CSMD1: variants seen among roughly 807,000 people sequenced by gnomAD.
The protein encoded by CSMD1 is CUB and Sushi multiple domains 1, also known as CUB and sushi domain-containing protein 1.
CSMD1 carries 213 observed loss-of-function variants against 417.5 expected under a neutral mutation model. That is an observed-to-expected ratio of 0.51 (90% confidence interval 0.46 to 0.57). The LOEUF (loss-of-function observed/expected upper bound fraction) is 0.57. CSMD1 is among the 20% of genes least tolerant of loss of function. CSMD1 has a pLI of 0.00. For synonymous variants in CSMD1, 2,862 were observed against 1,736.8 expected (o/e 1.65, Z -16.11); for missense variants, 6,923 against 4,529.7 (o/e 1.53, Z -15.17).
chr8:3,346,757 A>G (rs907103945), intron 22 of CSMD1, among the ~76,000 whole-genome samples: 1 of 152,210 alleles, frequency 6.6e-6, no homozygotes, highest in Non-Finnish European at 1.5e-5. Flanking sequence ...GGCTTTCTGC[A>G]TATTCTCTTA....
intron 3 of CSMD1, among the ~76,000 whole-genome samples, chr8:4,315,062 C>T (rs537315880): frequency 6.6e-6 from 1 of 152,092 alleles, no homozygotes; most frequent in East Asian, 1.9e-4. Flanking sequence ...CCCACTGCCC[C>T]GACCATTTGA....
chr8:3,641,066 A>G (rs1443830921), intron 7 of CSMD1, among the ~76,000 whole-genome samples: 13 of 140,802 alleles, frequency 9.2e-5, no homozygotes, highest in African/African-American at 3.6e-4. Context: ...TGTCCTCAAA[A>G]GTTGTAATGA....
chr8:2,969,176 T>C (rs926586065), intron 57 of CSMD1, among the ~76,000 whole-genome samples: 3 of 152,286 alleles, frequency 2.0e-5, no homozygotes, highest in East Asian at 3.9e-4. Flanking sequence ...CCACGCTATA[T>C]GTAAAATGCC....
intron 26 of CSMD1, among the ~76,000 whole-genome samples, chr8:3,275,068 T>G (rs1231530397): frequency 2.0e-5 from 3 of 152,144 alleles, no homozygotes; most frequent in African/African-American, 7.2e-5. Flanking sequence ...GCCTGGTACC[T>G]TTTGTTCCTT....
At chr8:4,252,094 A>C (rs189597892) in intron 3 of CSMD1, among the ~76,000 whole-genome samples, 4 of 152,320 alleles carry the variant, frequency 2.6e-5, no homozygotes, top group Admixed American at 2.6e-4. Flanking sequence ...ATGAACAAAG[A>C]AACAGTACAG....
rs368934844 is a variant in CSMD1 at position 4,466,592 on chromosome 8, T to G, written c.303-46527A>C. 1.1e-3 allele frequency among the ~76,000 whole-genome samples: 169 copies of G among 152,300 alleles called. 1 individual carries two copies. Among genetic ancestry groups the G allele is most frequent in the Middle Eastern group, 6.8e-3 (2 of 294 alleles). ...ATGCCAACAGTGTCACAAAGTTTAGTTATTCTAAGAGTTCATAAGCCAGTT... is the reference window on the plus strand; with the variant it reads ...ATGCCAACAGTGTCACAAAGTTTAGGTATTCTAAGAGTTCATAAGCCAGTT... On this transcript the variant is annotated intron_variant, in intron 2 of 69. Transcript: ENST00000635120.
intron 1 of CSMD1, among the ~76,000 whole-genome samples, chr8:4,964,502 CAA>C (rs10622416): frequency 9.4e-6 from 1 of 105,974 alleles, no homozygotes; most frequent in Non-Finnish European, 1.8e-5. Flanking sequence ...ACCCTGTCTC[CAA>C]AAAAAAAAAA....
At chr8:4,538,192 T>TA (rs1797200760) in intron 2 of CSMD1, among the ~76,000 whole-genome samples, 3 of 20,222 alleles carry the variant, frequency 1.5e-4, no homozygotes, top group South Asian at 2.7e-3. Context: ...GGTGGCTACA[T>TA]TTTTTTTTTT....
At chr8:3,728,321 G>C (rs1280426691) in intron 6 of CSMD1, among the ~76,000 whole-genome samples, 1 of 152,024 alleles carries the variant, frequency 6.6e-6, no homozygotes, top group Non-Finnish European at 1.5e-5. Flanking sequence ...ATGACTGTGA[G>C]GCCTCCCAGC....
intron 2 of CSMD1, among the ~76,000 whole-genome samples, chr8:4,424,045 C>T (rs1054940142): frequency 6.6e-6 from 1 of 151,902 alleles, no homozygotes; most frequent in African/African-American, 2.4e-5. Context: ...AAAATTACCT[C>T]AATGTGGATT....
At chr8:3,545,185 G>T (rs901175955) in intron 10 of CSMD1, among the ~76,000 whole-genome samples, 3 of 152,158 alleles carry the variant, frequency 2.0e-5, no homozygotes, top group South Asian at 2.1e-4. Flanking sequence ...ACTTAGCAAA[G>T]AGCAGGAGGT....
At chr8:4,739,947 A>G (rs1017090342) in intron 1 of CSMD1, among the ~76,000 whole-genome samples, 4 of 152,100 alleles carry the variant, frequency 2.6e-5, no homozygotes, top group Admixed American at 6.5e-5. Flanking sequence ...CTTAAGCTCC[A>G]TAGTCTGAGC....
chr8:3,074,061 C>T (rs374589023), intron 49 of CSMD1, among the ~76,000 whole-genome samples: 3 of 152,182 alleles, frequency 2.0e-5, no homozygotes, highest in Non-Finnish European at 2.9e-5. Flanking sequence ...CACCTGGAGG[C>T]GCGGGAAGAA....
chr8:3,063,352 G>A (rs1056151523), intron 49 of CSMD1, among the ~76,000 whole-genome samples: 1 of 152,180 alleles, frequency 6.6e-6, no homozygotes, highest in Admixed American at 6.5e-5. Flanking sequence ...GAAATAATGA[G>A]TGCTGACAAA....
chr8:3,349,425 T>G (rs770242793), intron 21 of CSMD1, among the ~76,000 whole-genome samples: 1 of 152,014 alleles, frequency 6.6e-6, no homozygotes, highest in African/African-American at 2.4e-5. Flanking sequence ...AATGCCTCCA[T>G]GTGGAAGGGT....
At chr8:4,468,189 G>A (rs1214199440) in intron 2 of CSMD1, among the ~76,000 whole-genome samples, 1 of 152,098 alleles carries the variant, frequency 6.6e-6, no homozygotes, top group African/African-American at 2.4e-5. Context: ...GTCACGCTGT[G>A]TAAGTTGAGA....
chr8:4,368,161 T>C (rs958594283), intron 3 of CSMD1, among the ~76,000 whole-genome samples: 14 of 152,170 alleles, frequency 9.2e-5, no homozygotes, highest in African/African-American at 3.4e-4. Flanking sequence ...TTTTGAGATA[T>C]ATTCCTTCAA....
intron 5 of CSMD1, among the ~76,000 whole-genome samples, chr8:3,834,609 A>G (rs1802571525): frequency 6.6e-6 from 1 of 152,204 alleles, no homozygotes; most frequent in Non-Finnish European, 1.5e-5. Flanking sequence ...TGTGAAGGTA[A>G]TACGTTTCAG....
At chr8:3,815,766 T>C (rs76856137) in intron 5 of CSMD1, among the ~76,000 whole-genome samples, 3 of 152,108 alleles carry the variant, frequency 2.0e-5, no homozygotes, top group Non-Finnish European at 4.4e-5. Flanking sequence ...TAAAACCACA[T>C]TGTTCATTTG....
Sources: gnomAD v4.1 joint callset for allele counts (sites outside exome capture counted in the v4.1 genomes callset) on GRCh38, gnomAD v4.1.1 for gene constraint, MANE v1.5 for transcripts, NCBI Gene and HGNC (gene_info 2026-07-23, HGNC 2026-07-21) for gene names.